Variants in CUX1 observed in about 807,000 individuals in gnomAD.
CUX1 encodes the protein cut like homeobox 1.
CUX1 carries 31 observed loss-of-function variants against 158.8 expected under a neutral mutation model. The observed-to-expected ratio is 0.20, with a 90% CI of 0.15 to 0.26. The LOEUF (loss-of-function observed/expected upper bound fraction) is 0.26. Ranked by LOEUF, CUX1 falls within the 10% of genes least tolerant of loss-of-function variation. The pLI, the probability that CUX1 is intolerant of heterozygous loss-of-function variation, is 1.00. For missense variants in CUX1, 1,589 were observed against 2,014.6 expected (o/e 0.79, Z 4.04); for synonymous variants, 879 against 862.1 (o/e 1.02, Z -0.34).
chr7:102,049,337 C>G (rs1241778776), intron 3 of CUX1, among the ~76,000 whole-genome samples: 1 of 152,202 alleles, frequency 6.6e-6, no homozygotes, highest in Non-Finnish European at 1.5e-5. Context: ...CACAGCAGCT[C>G]AGCCCGGAGG....
chr7:101,990,844 T>A (rs189726424), intron 2 of CUX1, among the ~76,000 whole-genome samples: 1 of 152,142 alleles, frequency 6.6e-6, no homozygotes, highest in African/African-American at 2.4e-5. Flanking sequence ...GTGTCTTCTG[T>A]GATTCTCCCC....
rs371392094 is a variant in CUX1 at position 102,201,789 on chromosome 7, A to G, written c.2492A>G (p.Glu831Gly). ...CACTGGTGGAGCGCGGTGCAGCCGG[A>G]GAGAAGAAATGCCGCCTCCTCCGAG... ...KDHWWSAVQPERRNAASSEEA... is the reference protein window; with the variant it reads ...KDHWWSAVQPGRRNAASSEEA... Residue 831 changes from glutamate (E) to glycine (G), a missense_variant, in exon 18 of 24, where the codon GAG becomes GGG. Coordinates refer to ENST00000292535, the MANE Select transcript of CUX1 (RefSeq NM_181552.4). The surrounding 1 kb of genome is among the most constrained non-coding windows in gnomAD (Gnocchi z 5.0). 1 of 1,612,762 alleles carries G rather than the reference A, an allele frequency of 6.2e-7. No homozygotes were observed. Among genetic ancestry groups the G allele is most frequent in the Non-Finnish European group, 8.5e-7 (1 of 1,179,910 alleles).
In CUX1 at chr7:102,250,962, G is replaced by GTA. The variant is rs1356755679; in HGVS notation, c.*1932_*1933dup. Reference sequence around the variant, plus strand: ...TTTAAACTAACAATAGATGATTTCGGTATATATATATATTTTTTTTTGCTT... The same window carrying GTA: ...TTTAAACTAACAATAGATGATTTCGGTATATATATATATATTTTTTTTTGCTT... On this transcript the variant is annotated 3_prime_UTR_variant, in exon 24 of 24. Coordinates refer to ENST00000292535, the MANE Select transcript of CUX1 (RefSeq NM_181552.4). The GTA allele has an allele frequency of 7.4e-5, 71 of 957,672 alleles. No individual in the cohort carries two copies. Among genetic ancestry groups the GTA allele is most frequent in the South Asian group, 2.9e-4 (6 of 20,698 alleles). The allele number at this position is 957,672 out of a possible 1,614,324, so 59.3% of individuals were successfully genotyped here.
At chr7:102,144,617 G>A (rs965058760) in intron 8 of CUX1, among the ~76,000 whole-genome samples, 15 of 147,426 alleles carry the variant, frequency 1.0e-4, no homozygotes, top group African/African-American at 3.5e-4. Flanking sequence ...GCTGCAGTGA[G>A]CTATGATCAC....
chr7:101,893,171 TTTTTTTTTTTTTTTA>T (rs1308229430), intron 1 of CUX1, among the ~76,000 whole-genome samples: 3 of 105,492 alleles, frequency 2.8e-5, no homozygotes, highest in South Asian at 8.4e-4. Flanking sequence ...TTTTTTTTTT[TTTTTTTTTTTTTTTA>T]AAATAGAGAT....
chr7:102,161,328 A>T (rs1299308298), intron 9 of CUX1: 4 of 152,190 alleles, frequency 2.6e-5, no homozygotes, highest in African/African-American at 9.7e-5. Flanking sequence ...AGCCTAGGTG[A>T]CAGAGTGAGA....
chr7:102,170,495 C>A lies in CUX1; in HGVS notation c.773C>A (p.Ser258Ter). ...REAETLREQL[S>*]SANHSLQLAS... ...GCGGAGACCTTAAGGGAACAGCTCTCATCGGCCAATCACTCCCTCCAGCTG... is the reference window on the plus strand; with the variant it reads ...GCGGAGACCTTAAGGGAACAGCTCTAATCGGCCAATCACTCCCTCCAGCTG... Residue 258 changes from serine to a stop codon, truncating the protein, a stop_gained, in exon 10 of 24, where the codon TCA (serine) becomes TAA (stop). Coordinates refer to ENST00000292535, the MANE Select transcript of CUX1 (RefSeq NM_181552.4). LOFTEE classifies it high-confidence loss of function. 6.3e-7 allele frequency: 1 copy of A among 1,594,064 alleles called. No individual in the cohort carries two copies. The highest frequency in any genetic ancestry group is 2.3e-5 in the East Asian group (1 of 43,732).
intron 8 of CUX1, chr7:102,115,543 C>G (rs1831354726): frequency 2.9e-6 from 1 of 349,582 alleles, no homozygotes; most frequent in Admixed American, 4.9e-5. Context: ...AGATGTGACA[C>G]ATGGGACATT....
intron 18 of CUX1, among the ~76,000 whole-genome samples, chr7:102,204,144 G>C (rs1563403325): frequency 6.6e-6 from 1 of 152,208 alleles, no homozygotes; most frequent in Non-Finnish European, 1.5e-5. Flanking sequence ...TCCCTCCCTG[G>C]GAGCTGAGAG....
At chr7:101,958,094 GTTA>G (rs1264875928) in intron 2 of CUX1, among the ~76,000 whole-genome samples, 4 of 152,174 alleles carry the variant, frequency 2.6e-5, no homozygotes, top group Admixed American at 1.3e-4. Context: ...AATACTTGCT[GTTA>G]TTAGTGGAAA....
At chr7:101,877,758 G>A (rs1463057594) in intron 1 of CUX1, among the ~76,000 whole-genome samples, 5 of 1,368 alleles carry the variant, frequency 3.7e-3, no homozygotes, top group African/African-American at 0.029. Context: ...CCCTCCAATT[G>A]TGTGTGTGTG....
At chr7:101,960,373 G>T (rs1310326891) in intron 2 of CUX1, 1 of 152,196 alleles carries the variant, frequency 6.6e-6, no homozygotes, top group Non-Finnish European at 1.5e-5. Flanking sequence ...AGTGGCTCAC[G>T]CCTGTAAGCC....
At chr7:102,170,940 C>T (rs1554510261) in intron 10 of CUX1, among the ~76,000 whole-genome samples, 1 of 126,348 alleles carries the variant, frequency 7.9e-6, no homozygotes, top group African/African-American at 3.0e-5. Flanking sequence ...TGTGCCTTTC[C>T]AAGATGAGGA....
At chr7:102,065,013 A>G (rs934455999) in intron 3 of CUX1, among the ~76,000 whole-genome samples, 3 of 152,154 alleles carry the variant, frequency 2.0e-5, no homozygotes, top group Admixed American at 1.3e-4. Flanking sequence ...AAGTCACACA[A>G]AGGGACAACC....
At chr7:101,830,263 C>T (rs1793836311) in intron 1 of CUX1, among the ~76,000 whole-genome samples, 1 of 152,228 alleles carries the variant, frequency 6.6e-6, no homozygotes, top group Non-Finnish European at 1.5e-5. Flanking sequence ...ACCCACCACG[C>T]AGGCTTCTGT....
chr7:101,816,283 G>C (rs1347419837), upstream of CUX1, among the ~76,000 whole-genome samples: 1 of 145,306 alleles, frequency 6.9e-6, no homozygotes, highest in Non-Finnish European at 1.5e-5. Flanking sequence ...TTGATCACTC[G>C]CTTGATCGGA....
intron 2 of CUX1, among the ~76,000 whole-genome samples, chr7:101,934,475 T>C (rs1050473582): frequency 1.3e-5 from 2 of 152,212 alleles, no homozygotes; most frequent in African/African-American, 2.4e-5. Context: ...TCTAGAAACT[T>C]TGAGGTGGAG....
intron 3 of CUX1, among the ~76,000 whole-genome samples, chr7:102,034,614 G>C (rs185108413): frequency 5.9e-5 from 9 of 152,090 alleles, no homozygotes; most frequent in Admixed American, 1.3e-4. Context: ...TTAGCTGGAC[G>C]TGGTGGCATA....
At chr7:101,908,393 G>C (rs756413520) in intron 1 of CUX1, among the ~76,000 whole-genome samples, 1 of 152,054 alleles carries the variant, frequency 6.6e-6, no homozygotes, top group Non-Finnish European at 1.5e-5. Flanking sequence ...TGATTTGCTC[G>C]CCTCGGCCTC....
Sources: allele counts gnomAD v4.1 joint callset (sites outside exome capture counted in the v4.1 genomes callset), GRCh38; gene constraint gnomAD v4.1.1; non-coding constraint Gnocchi (gnomAD v3.1); transcripts MANE v1.5; gene names NCBI Gene and HGNC (gene_info 2026-07-23, HGNC 2026-07-21).